TASL: variants seen among roughly 807,000 people sequenced by gnomAD.
TASL encodes the protein TLR adaptor interacting with endolysosomal SLC15A4, also known as TLR adapter interacting with SLC15A4 on the lysosome.
In TASL, 6 loss-of-function variants were observed where a neutral mutation model predicts 12.9. The ratio of observed to expected loss-of-function variants is 0.46; its 90% confidence interval spans 0.25 to 0.92. The LOEUF is 0.92. TASL is among the 40% of genes least tolerant of loss of function. The pLI, the probability that TASL is intolerant of heterozygous loss-of-function variation, is 0.17. For synonymous variants in TASL, 85 were observed against 79.3 expected (o/e 1.07, Z -0.38); for missense variants, 165 against 212.8 (o/e 0.78, Z 1.40).
intron 2 of TASL, among the ~76,000 whole-genome samples, chrX:30,565,255 T>C (rs1930481608): frequency 9.0e-6 from 1 of 111,637 alleles, no homozygotes; most frequent in Non-Finnish European, 1.9e-5. Flanking sequence ...TCCCCATTTT[T>C]TGTCCTAGGC....
chrX:30,570,236 T>A lies in TASL; in HGVS notation c.-2+6516A>T, dbSNP rs764288469. Among the ~76,000 whole-genome samples the A allele has an allele frequency of 5.0e-3, 500 of 99,773 alleles. 2 individuals are homozygous for A. Among genetic ancestry groups the A allele is most frequent in the African/African-American group, 0.014 (373 of 27,076 alleles). The allele number at this position is 99,773 out of a possible 115,157, so 86.6% of individuals were successfully genotyped here. On this transcript the variant is annotated intron_variant, in intron 2 of 2. Coordinates refer to ENST00000378962, the MANE Select transcript of TASL (RefSeq NM_025159.3). ...TGTGTGTACATAAATACTCTCTCTC[T>A]CACACACACACACACACACACACAT...
Position 30,560,123 on chromosome X carries a change from C to G in TASL, c.233G>C (p.Ser78Thr). The change falls in exon 3 of 3, where the codon AGT becomes ACT. Residue 78 changes from serine to threonine, a missense_variant. Coordinates refer to ENST00000378962, the MANE Select transcript of TASL (RefSeq NM_025159.3). ...TGTCTGCAGCACTGTGACTCTCTGACTTCTGCTATGTTGGCTCTCTCTTGA... is the reference window on the plus strand; with the variant it reads ...TGTCTGCAGCACTGTGACTCTCTGAGTTCTGCTATGTTGGCTCTCTCTTGA... ...VHSRESQHSR[S>T]QRVTVLQTNP... is the part of the protein sequence containing the mutation. 1 of 1,208,841 alleles carries G rather than the reference C, an allele frequency of 8.3e-7. No homozygotes were observed. The highest frequency in any genetic ancestry group is 1.1e-6 in the Non-Finnish European group (1 of 894,524).
chrX:30,574,059 C>T (rs1930671112), intron 2 of TASL, among the ~76,000 whole-genome samples: 1 of 111,840 alleles, frequency 8.9e-6, no homozygotes, highest in Non-Finnish European at 1.9e-5. Flanking sequence ...TCTTCCTCAT[C>T]TCATCTCTGC....
At chrX:30,571,278 G>GAAAGAAAGAAAGAAAGAAAA (rs1569306114) in intron 2 of TASL, among the ~76,000 whole-genome samples, 1 of 74,596 alleles carries the variant, frequency 1.3e-5, no homozygotes, top group Non-Finnish European at 2.6e-5. Context: ...AAGAAAGAAA[G>GAAAGAAAGAAAGAAAGAAAA]AAAGAAAGAA....
intron 2 of TASL, among the ~76,000 whole-genome samples, chrX:30,567,436 AT>A (rs1304921063): frequency 8.9e-6 from 1 of 112,243 alleles, no homozygotes; most frequent in East Asian, 2.8e-4. Flanking sequence ...ATCTAACTCA[AT>A]TTAAAATATA....
At chrX:30,570,831 A>G (rs1288466715) in intron 2 of TASL, among the ~76,000 whole-genome samples, 1 of 111,611 alleles carries the variant, frequency 9.0e-6, no homozygotes, top group Non-Finnish European at 1.9e-5. Context: ...TTCATAATTA[A>G]TTTCCTAGTT....
At chrX:30,574,069 C>T (rs1259350038) in intron 2 of TASL, among the ~76,000 whole-genome samples, 3 of 111,476 alleles carry the variant, frequency 2.7e-5, no homozygotes, top group African/African-American at 9.8e-5. Flanking sequence ...CTCATCTCTG[C>T]CTGTTCCCCA....
intron 2 of TASL, among the ~76,000 whole-genome samples, chrX:30,564,972 C>T (rs932029199): frequency 3.6e-5 from 4 of 111,850 alleles, no homozygotes; most frequent in Non-Finnish European, 5.6e-5. Flanking sequence ...AGCCTCTATA[C>T]TGCTGCCTTC....
chrX:30,572,693 A>G (rs1230184333), intron 2 of TASL, among the ~76,000 whole-genome samples: 1 of 112,484 alleles, frequency 8.9e-6, no homozygotes, highest in Non-Finnish European at 1.9e-5. Context: ...GAAGAACTTT[A>G]TAAGGGGGAA....
At chrX:30,571,260 A>AAGAAAGAAAGAAAGAAAGAAAG (rs1930599099) in intron 2 of TASL, among the ~76,000 whole-genome samples, 1 of 6,524 alleles carries the variant, frequency 1.5e-4, no homozygotes, top group South Asian at 7.5e-3. Context: ...AAGAAAGAGA[A>AAGAAAGAAAGAAAGAAAGAAAG]AGAAAGAAAG....
chrX:30,567,905 A>C (rs1361906357), intron 2 of TASL, among the ~76,000 whole-genome samples: 1 of 112,248 alleles, frequency 8.9e-6, no homozygotes, highest in Non-Finnish European at 1.9e-5. Flanking sequence ...ACTGTGATTA[A>C]ATTTTTAATT....
chrX:30,571,387 G>A (rs1308154765), intron 2 of TASL, among the ~76,000 whole-genome samples: 1 of 110,682 alleles, frequency 9.0e-6, no homozygotes, highest in Non-Finnish European at 1.9e-5. Context: ...GGGAGGCCAA[G>A]GCAGGTGGAT....
At chrX:30,567,914 TTAAAA>T (rs1930523560) in intron 2 of TASL, among the ~76,000 whole-genome samples, 2 of 112,268 alleles carry the variant, frequency 1.8e-5, no homozygotes, top group South Asian at 7.3e-4. Context: ...AAATTTTTAA[TTAAAA>T]TAAAAACTAA....
chrX:30,568,510 T>C (rs1242285435), intron 2 of TASL, among the ~76,000 whole-genome samples: 1 of 110,941 alleles, frequency 9.0e-6, no homozygotes, highest in Non-Finnish European at 1.9e-5. Context: ...CAGACACCAA[T>C]GTAGGTGGGG....
chrX:30,561,993 A>G (rs775027047), intron 2 of TASL, among the ~76,000 whole-genome samples: 20 of 111,855 alleles, frequency 1.8e-4, no homozygotes, highest in Non-Finnish European at 3.0e-4. Flanking sequence ...TATCATAAAG[A>G]ACTAATGGGG....
intron 2 of TASL, among the ~76,000 whole-genome samples, chrX:30,573,996 C>T (rs1171471323): frequency 8.9e-6 from 1 of 111,788 alleles, no homozygotes; most frequent in Non-Finnish European, 1.9e-5. Flanking sequence ...CTTCCCATCA[C>T]CTCAGGGATA....
chrX:30,559,783 T>C lies in TASL; in HGVS notation c.573A>G (p.Thr191=). The change falls in exon 3 of 3, where the codon ACA becomes ACG. Residue 191 remains threonine, a synonymous_variant. Transcript: ENST00000378962. ...IQRYSSYWRI[T]SIKEKSSLQM... is the part of the protein sequence containing the mutation. The stretch of plus-strand genomic sequence containing the variant: ...GCAAGCTGCTTTTCTCTTTGATGCT[T>C]GTTATTCTCCAATAGGATGAGTACC... 1.7e-6 allele frequency: 2 copies of C among 1,211,179 alleles called. No homozygotes were observed. Among genetic ancestry groups the C allele is most frequent in the African/African-American group, 1.7e-5 (1 of 57,812 alleles).
intron 2 of TASL, among the ~76,000 whole-genome samples, chrX:30,562,720 T>C (rs1401906508): frequency 1.9e-4 from 21 of 110,416 alleles, no homozygotes; most frequent in Middle Eastern, 4.6e-3. Context: ...GAAATCCTGA[T>C]TGACAGTGAG....
chrX:30,559,669 G>C lies in TASL; in HGVS notation c.687C>G (p.Thr229=). The C allele has an allele frequency of 8.3e-7, 1 of 1,208,152 alleles. No individual in the cohort carries two copies. ...VELYKQYIMD[T]VFHDSSPTQI... is the part of the protein sequence containing the mutation. ...GGGTAGGAGAACTGTCATGAAACAC[G>C]GTGTCCATAATGTACTGTTTATATA... is the stretch of plus-strand genomic sequence containing the variant. Residue 229 remains threonine (T), a synonymous_variant, in exon 3 of 3, where the codon ACC becomes ACG. Coordinates refer to ENST00000378962, the MANE Select transcript of TASL (RefSeq NM_025159.3).
Sources: gnomAD v4.1 joint callset for allele counts (sites outside exome capture counted in the v4.1 genomes callset) on GRCh38, gnomAD v4.1.1 for gene constraint, MANE v1.5 for transcripts, NCBI Gene and HGNC (gene_info 2026-07-23, HGNC 2026-07-21) for gene names.